The following IL1RAPL1 variants were observed in gnomAD, a reference collection of about 807,000 sequenced individuals.
IL1RAPL1 encodes interleukin-1 receptor accessory protein-like 1.
IL1RAPL1 carries 3 observed loss-of-function variants against 48.4 expected under a neutral mutation model. The ratio of observed to expected loss-of-function variants is 0.06; its 90% CI spans 0.03 to 0.16. The LOEUF (loss-of-function observed/expected upper bound fraction) is 0.16, where lower values mean the gene tolerates loss of function less well. IL1RAPL1 is among the 10% of genes least tolerant of loss of function. IL1RAPL1 has a pLI of 1.00. For synonymous variants in IL1RAPL1, 185 were observed against 187.7 expected, an observed-to-expected ratio of 0.99 and a Z score of 0.12; for missense variants, 349 against 530.6, an observed-to-expected ratio of 0.66 and a Z score of 3.36.
chrX:28,669,078 A>T (rs1031957206), intron 1 of IL1RAPL1, among the ~76,000 whole-genome samples: 4 of 111,484 alleles, frequency 3.6e-5, no homozygotes, highest in Non-Finnish European at 5.6e-5. Flanking sequence ...CCCTCATCTG[A>T]TATGTTGAAC....
At chrX:29,353,773 G>A (rs1306607559) in intron 3 of IL1RAPL1, among the ~76,000 whole-genome samples, 1 of 108,026 alleles carries the variant, frequency 9.3e-6, no homozygotes, top group Admixed American at 9.9e-5. Context: ...TTTCTGGATT[G>A]TAATATGTTT....
At chrX:29,172,441 T>C (rs1929926978) in intron 2 of IL1RAPL1, among the ~76,000 whole-genome samples, 1 of 111,454 alleles carries the variant, frequency 9.0e-6, no homozygotes, top group South Asian at 3.8e-4. Context: ...ATTGTATATA[T>C]TTGAGGCTTA....
At chrX:29,352,240 A>G (rs1042327773) in intron 3 of IL1RAPL1, among the ~76,000 whole-genome samples, 1 of 110,320 alleles carries the variant, frequency 9.1e-6, no homozygotes, top group African/African-American at 3.3e-5. Context: ...TAGGTACTGT[A>G]TTTCTTTTTG....
intron 6 of IL1RAPL1, among the ~76,000 whole-genome samples, chrX:29,829,204 AC>A: frequency 9.7e-6 from 1 of 103,172 alleles, no homozygotes; most frequent in Non-Finnish European, 2.0e-5. Flanking sequence ...ACACACACAC[AC>A]ACACACAATG....
At chrX:29,131,663 A>G (rs1487510642) in intron 2 of IL1RAPL1, among the ~76,000 whole-genome samples, 1 of 111,374 alleles carries the variant, frequency 9.0e-6, no homozygotes, top group Non-Finnish European at 1.9e-5. Flanking sequence ...CTCAAATTTG[A>G]CAGGTGTCAG....
At chrX:28,759,818 C>T (rs1214088744) in intron 1 of IL1RAPL1, among the ~76,000 whole-genome samples, 1 of 111,260 alleles carries the variant, frequency 9.0e-6, no homozygotes, top group Non-Finnish European at 1.9e-5. Flanking sequence ...ACCTCCTGAA[C>T]CACTGCTAAA....
At chrX:28,592,812 A>G (rs1428164264) in intron 1 of IL1RAPL1, among the ~76,000 whole-genome samples, 1 of 111,689 alleles carries the variant, frequency 9.0e-6, no homozygotes, top group Admixed American at 9.5e-5. Flanking sequence ...AGGATTCCCA[A>G]TATATTTTTG....
chrX:29,296,199 A>G (rs931927873), intron 3 of IL1RAPL1, among the ~76,000 whole-genome samples: 1 of 111,732 alleles, frequency 8.9e-6, no homozygotes, highest in Admixed American at 9.5e-5. Flanking sequence ...CATCGCAAGT[A>G]TCTCTATCTG....
intron 2 of IL1RAPL1, among the ~76,000 whole-genome samples, chrX:29,081,526 A>G (rs1927844072): frequency 9.0e-6 from 1 of 111,390 alleles, no homozygotes; most frequent in Non-Finnish European, 1.9e-5. Flanking sequence ...TGACCCGAAT[A>G]TCCTGCCTAA....
At chrX:29,047,076 G>C (rs1926987930) in intron 2 of IL1RAPL1, among the ~76,000 whole-genome samples, 1 of 112,299 alleles carries the variant, frequency 8.9e-6, no homozygotes, top group Non-Finnish European at 1.9e-5. Flanking sequence ...GGGCCTCTTA[G>C]TTTTGCTTGG....
intron 8 of IL1RAPL1, 123 bp from the exon 9 acceptor site, chrX:29,941,528 G>A (rs1933127027): frequency 1.6e-5 from 11 of 696,172 alleles, no homozygotes; most frequent in Admixed American, 1.4e-4. Flanking sequence ...AAGGAAAGGG[G>A]TTGTGTCAAC....
At chrX:28,809,097 T>C (rs1251792161) in intron 2 of IL1RAPL1, among the ~76,000 whole-genome samples, 1 of 110,654 alleles carries the variant, frequency 9.0e-6, no homozygotes, top group Non-Finnish European at 1.9e-5. Flanking sequence ...TTGAGGTGTG[T>C]TTAATTTAAC....
chrX:29,230,526 A>ACAAACAAAC (rs1198399294), intron 2 of IL1RAPL1, among the ~76,000 whole-genome samples: 8 of 97,712 alleles, frequency 8.2e-5, no homozygotes, highest in African/African-American at 1.2e-4. Flanking sequence ...AAAAAAAAAA[A>ACAAACAAAC]AAAAAAAAAC....
At chrX:29,758,598 AG>A (rs1472887209) in intron 6 of IL1RAPL1, among the ~76,000 whole-genome samples, 1 of 109,437 alleles carries the variant, frequency 9.1e-6, no homozygotes, top group Non-Finnish European at 1.9e-5. Context: ...TGGGAGGCTG[AG>A]GCAGGAGAAT....
At chrX:29,807,571 C>T (rs918636884) in intron 6 of IL1RAPL1, among the ~76,000 whole-genome samples, 113 of 95,605 alleles carry the variant, frequency 1.2e-3, no homozygotes, top group Non-Finnish European at 1.9e-3. Context: ...GCCAAGATTG[C>T]GCCACTGCAC....
intron 2 of IL1RAPL1, among the ~76,000 whole-genome samples, chrX:28,850,537 C>G (rs780950542): frequency 9.0e-6 from 1 of 111,266 alleles, no homozygotes; most frequent in South Asian, 3.9e-4. Flanking sequence ...CTTCCTCCCT[C>G]TCTTCCCCCT....
chrX:29,578,099 T>C (rs1274016568), intron 5 of IL1RAPL1, among the ~76,000 whole-genome samples: 1 of 111,682 alleles, frequency 9.0e-6, no homozygotes, highest in African/African-American at 3.3e-5. Flanking sequence ...AGATCTCTGA[T>C]GCTTACAGAA....
intron 1 of IL1RAPL1, among the ~76,000 whole-genome samples, chrX:28,639,687 GGAAGAAGC>G (rs1934510939): frequency 9.0e-6 from 1 of 111,731 alleles, no homozygotes; most frequent in African/African-American, 3.3e-5. Context: ...AATAAAAAAG[GGAAGAAGC>G]CAAGCAAGGG....
Position 29,439,990 on chromosome X carries a change from C to CGT in IL1RAPL1, c.703+40716_703+40717dup, listed in dbSNP as rs60967823. ...AGGACTCAACCTTATCAATTTGACA[C>CGT]GTGTGTGTGTGTGTGTGTGTGTGTG... On this transcript the variant is annotated intron_variant, in intron 5 of 10. Transcript: ENST00000378993. Among the ~76,000 whole-genome samples the CGT allele has an allele frequency of 2.5e-3, 245 of 96,766 alleles. 1 individual carries two copies. Among genetic ancestry groups the CGT allele is most frequent in the African/African-American group, 8.3e-3 (224 of 26,844 alleles). The allele number at this position is 96,766 out of a possible 115,157, so 84.0% of individuals were successfully genotyped here.
Sources: allele counts gnomAD v4.1 joint callset (sites outside exome capture counted in the v4.1 genomes callset), GRCh38; gene constraint gnomAD v4.1.1; transcripts MANE v1.5; gene names NCBI Gene and HGNC (gene_info 2026-07-23, HGNC 2026-07-21).